ANO2: variants seen among roughly 807,000 people sequenced by gnomAD.
The protein encoded by ANO2 is anoctamin-2.
In ANO2, 101 loss-of-function variants were observed where a neutral mutation model predicts 124.2. The ratio of observed to expected loss-of-function variants is 0.81; its 90% CI spans 0.69 to 0.96. The LOEUF (loss-of-function observed/expected upper bound fraction) is 0.96. Among genes scored for constraint, ANO2 ranks in the 40% least tolerant of loss-of-function variants. ANO2 has a pLI of 0.00. For synonymous variants in ANO2, 486 were observed against 482.5 expected, an observed-to-expected ratio of 1.01 and a Z score of -0.09; for missense variants, 1,293 against 1,274.5, an observed-to-expected ratio of 1.01 and a Z score of -0.22.
chr12:5,760,082 T>C (rs1192577276), intron 10 of ANO2, among the ~76,000 whole-genome samples: 1 of 152,226 alleles, frequency 6.6e-6, no homozygotes, highest in Non-Finnish European at 1.5e-5. Context: ...TCAATCACCA[T>C]TTCTGAAACA....
intron 18 of ANO2, 67 bp downstream of exon 18, chr12:5,612,834 C>G: frequency 5.0e-6 from 8 of 1,609,354 alleles, no homozygotes; most frequent in Non-Finnish European, 6.8e-6. Flanking sequence ...TGAAGCCATG[C>G]TGTGCTGGAG....
At chr12:5,666,264 AAG>A (rs1363923144) in intron 14 of ANO2, among the ~76,000 whole-genome samples, 2 of 152,204 alleles carry the variant, frequency 1.3e-5, no homozygotes, top group African/African-American at 2.4e-5. Flanking sequence ...AACAGAAATG[AAG>A]AGAGTCTTTC....
intron 6 of ANO2, among the ~76,000 whole-genome samples, chr12:5,828,463 G>A (rs1954057170): frequency 6.6e-6 from 1 of 152,244 alleles, no homozygotes; most frequent in South Asian, 2.1e-4. Flanking sequence ...CAGCAAAGGA[G>A]CTACCTCTAT....
At position 5,923,163 on chromosome 12, in the gene ANO2, T is replaced by TACACACAC. The variant is rs60529043; in HGVS notation, c.23-367_23-360dup. Among the ~76,000 whole-genome samples, 46 of 16,144 alleles carry TACACACAC rather than the reference T, an allele frequency of 2.8e-3. 5 individuals carry two copies. In the South Asian group the frequency reaches 0.03, roughly 11 times the overall value. The allele number at this position is 16,144 out of a possible 152,430, so 10.6% of individuals were successfully genotyped here. A position where few individuals can be genotyped will look rare whatever the true frequency, so the allele number is the denominator to read the frequency against. ...ACACATGCACACATACACACACGCA[T>TACACACAC]ACACACACACGCACACACACATACA... is the stretch of plus-strand genomic sequence containing the variant. On this transcript the variant is annotated intron_variant, in intron 1 of 24. Coordinates refer to ENST00000682330, the MANE Select transcript of ANO2 (RefSeq NM_001364791.2).
chr12:5,836,015 G>A (rs745512262), intron 4 of ANO2, among the ~76,000 whole-genome samples: 2 of 152,222 alleles, frequency 1.3e-5, no homozygotes, highest in Non-Finnish European at 2.9e-5. Context: ...TAGTTTCAGA[G>A]TGGGAGGGAA....
At chr12:5,932,888 T>C (rs115398779) in intron 1 of ANO2, among the ~76,000 whole-genome samples, 4,021 of 152,248 alleles carry the variant, frequency 0.026, 181 homozygotes, top group African/African-American at 0.091. Context: ...GGCTTTTGCA[T>C]GCAACTAGAA....
intron 10 of ANO2, among the ~76,000 whole-genome samples, chr12:5,792,891 C>T (rs1256504061): frequency 1.3e-5 from 2 of 152,252 alleles, no homozygotes; most frequent in Admixed American, 6.5e-5. Context: ...CTGGATAATG[C>T]AAAATATGTG....
At chr12:5,709,162 C>T (rs890442103) in intron 14 of ANO2, among the ~76,000 whole-genome samples, 1 of 152,190 alleles carries the variant, frequency 6.6e-6, no homozygotes, top group South Asian at 2.1e-4. Flanking sequence ...ACACCGAGTA[C>T]ACGATCAACT....
intron 10 of ANO2, among the ~76,000 whole-genome samples, chr12:5,779,909 A>T (rs1200587700): frequency 1.3e-5 from 2 of 152,184 alleles, no homozygotes; most frequent in Non-Finnish European, 1.5e-5. Flanking sequence ...AGACATAACA[A>T]CTAAATGTGA....
intron 4 of ANO2, among the ~76,000 whole-genome samples, chr12:5,843,123 G>A (rs918419820): frequency 2.6e-5 from 4 of 152,044 alleles, no homozygotes; most frequent in African/African-American, 7.3e-5. Context: ...CTATGTAAAC[G>A]GCATCAGTTC....
At position 5,658,828 on chromosome 12, in the gene ANO2, T is replaced by G. The variant is rs1031387711; in HGVS notation, c.1546-11027A>C. ...CATCATCAACATCATCATTAAATCA[T>G]CAGCAGCATCAATATTATCCTTGTC... On this transcript the variant is annotated intron_variant, in intron 14 of 24. Coordinates refer to ENST00000682330, the MANE Select transcript of ANO2 (RefSeq NM_001364791.2). This position sits in a 1 kb window ranked among gnomAD's most constrained non-coding sequence, Gnocchi z 4.3. 6.6e-6 allele frequency among the ~76,000 whole-genome samples: 1 copy of G among 152,054 alleles called. No individual in the cohort carries two copies. The highest frequency in any genetic ancestry group is 1.5e-5 in the Non-Finnish European group (1 of 68,028).
chr12:5,565,770 C>A (rs186683733), intron 23 of ANO2, 107 bp from the exon 24 acceptor site: 80 of 853,188 alleles, frequency 9.4e-5, no homozygotes, highest in Admixed American at 1.7e-4. Context: ...GCACGCATGC[C>A]CTTGGCATTG....
At chr12:5,932,228 G>A (rs1479792001) in intron 1 of ANO2, among the ~76,000 whole-genome samples, 1 of 149,816 alleles carries the variant, frequency 6.7e-6, no homozygotes, top group Non-Finnish European at 1.5e-5. Context: ...AAGGAAAGAA[G>A]GTAGACGAGT....
intron 3 of ANO2, among the ~76,000 whole-genome samples, chr12:5,854,456 T>C (rs1955035780): frequency 7.6e-6 from 1 of 131,578 alleles, no homozygotes; most frequent in African/African-American, 2.9e-5. Context: ...ATTTGAAATA[T>C]AAGCAATCAT....
At chr12:5,613,225 G>A (rs1047207510) in intron 17 of ANO2, among the ~76,000 whole-genome samples, 1 of 152,098 alleles carries the variant, frequency 6.6e-6, no homozygotes, top group African/African-American at 2.4e-5. Flanking sequence ...GTGTGTGTGC[G>A]TGTATGTGTG....
At chr12:5,679,833 C>A (rs1212896245) in intron 14 of ANO2, among the ~76,000 whole-genome samples, 1 of 152,160 alleles carries the variant, frequency 6.6e-6, no homozygotes, top group Non-Finnish European at 1.5e-5. Context: ...AAGACACATG[C>A]ACACATATAT....
intron 14 of ANO2, among the ~76,000 whole-genome samples, chr12:5,693,582 T>G (rs1261981177): frequency 6.6e-6 from 1 of 152,192 alleles, no homozygotes; most frequent in African/African-American, 2.4e-5. Context: ...TGTGGTCTTC[T>G]GCTCAGAGCC....
chr12:5,627,190 T>C lies in ANO2; in HGVS notation c.1816+7962A>G, dbSNP rs74576639. Reference sequence around the variant, plus strand: ...ACAGCCTCCTGCCATCCTCTCTGTTTCCCAGACAACATTTAGAATAATTTA... The same window carrying C: ...ACAGCCTCCTGCCATCCTCTCTGTTCCCCAGACAACATTTAGAATAATTTA... On this transcript the variant is annotated intron_variant, in intron 16 of 24. Transcript: ENST00000682330. 3.2e-3 allele frequency among the ~76,000 whole-genome samples: 485 copies of C among 152,300 alleles called. 1 individual carries two copies. The highest frequency in any genetic ancestry group is 0.011 in the African/African-American group (448 of 41,570).
intron 1 of ANO2, among the ~76,000 whole-genome samples, chr12:5,942,824 G>T (rs1942947352): frequency 6.6e-6 from 1 of 152,210 alleles, no homozygotes; most frequent in Admixed American, 6.5e-5. Flanking sequence ...TTTCTCAAAA[G>T]AAGATATATA....
Sources: gnomAD v4.1 joint callset for allele counts (sites outside exome capture counted in the v4.1 genomes callset) on GRCh38, gnomAD v4.1.1 for gene constraint, Gnocchi (gnomAD v3.1) non-coding constraint, MANE v1.5 for transcripts, NCBI Gene and HGNC (gene_info 2026-07-23, HGNC 2026-07-21) for gene names.